DPP10: variants seen among roughly 807,000 people sequenced by gnomAD.
The protein encoded by DPP10 is dipeptidyl peptidase like 10, also known as inactive dipeptidyl peptidase 10.
Under a neutral mutation model 120.9 loss-of-function variants are expected in DPP10, and 33 were observed. That is an observed-to-expected ratio of 0.27 (90% CI 0.21 to 0.37). The LOEUF (loss-of-function observed/expected upper bound fraction) is 0.37, where lower values mean the gene tolerates loss of function less well. Ranked by LOEUF, DPP10 falls within the 10% of genes least tolerant of loss-of-function variation. The pLI is 1.00. For synonymous variants in DPP10, 337 were observed against 326.1 expected, an observed-to-expected ratio of 1.03 and a Z score of -0.36; for missense variants, 816 against 942.8, an observed-to-expected ratio of 0.87 and a Z score of 1.76.
In DPP10 at chr2:115,086,076, A is replaced by G. The variant is rs61386857; in HGVS notation, c.61-223163A>G. On this transcript the variant is annotated intron_variant, in intron 1 of 25. Coordinates refer to ENST00000410059, the MANE Select transcript of DPP10 (RefSeq NM_020868.6). ...TTCTGCCATGTCTTGGAATGGCCCT[A>G]CAAAGCCATCCTTTGTTGGGAAAGA... Among the ~76,000 whole-genome samples the G allele has an allele frequency of 3.3e-5, 5 of 152,326 alleles. No individual in the cohort carries two copies. In the East Asian group the frequency reaches 9.7e-4, roughly 29 times the overall value.
chr2:115,301,778 C>G (rs906127622), intron 1 of DPP10, among the ~76,000 whole-genome samples: 1 of 151,794 alleles, frequency 6.6e-6, no homozygotes, highest in Admixed American at 6.6e-5. Context: ...AGTTTTTAAC[C>G]CTAAATGTGT....
chr2:115,782,205 A>G, intron 16 of DPP10, 147 bp from the exon 17 acceptor site: 1 of 612,664 alleles, frequency 1.6e-6, no homozygotes, highest in Non-Finnish European at 2.9e-6. Flanking sequence ...ATAAATAGGA[A>G]TGAAAGCTAG....
At chr2:115,219,555 T>C (rs2057027053) in intron 1 of DPP10, among the ~76,000 whole-genome samples, 2 of 152,146 alleles carry the variant, frequency 1.3e-5, no homozygotes, top group African/African-American at 4.8e-5. Flanking sequence ...ACAGAAATTA[T>C]AACAATAAAA....
rs939391212 is a variant in DPP10, at chr2:115,330,370, C to T, written c.176-13447C>T. ...GATGAGTAGATTGCAAAAATTTTCTCCCATTCTGTAGGTTGCCTGTTCACT... is the reference window on the plus strand; with the variant it reads ...GATGAGTAGATTGCAAAAATTTTCTTCCATTCTGTAGGTTGCCTGTTCACT... On this transcript the variant is annotated intron_variant, in intron 2 of 25. Transcript: ENST00000410059. Among the ~76,000 whole-genome samples the T allele has an allele frequency of 2.0e-5, 3 of 151,148 alleles. No individual in the cohort carries two copies. The East Asian group carries it at 5.8e-4, about 29-fold the overall frequency.
At chr2:115,103,018 T>G (rs767254864) in intron 1 of DPP10, among the ~76,000 whole-genome samples, 1 of 152,168 alleles carries the variant, frequency 6.6e-6, no homozygotes, top group Non-Finnish European at 1.5e-5. Flanking sequence ...AATATTTCTT[T>G]TATTTGAGCT....
At chr2:114,512,019 C>T (rs1684188978) in intron 1 of DPP10, among the ~76,000 whole-genome samples, 1 of 152,150 alleles carries the variant, frequency 6.6e-6, no homozygotes, top group African/African-American at 2.4e-5. Context: ...TCTGCAGATG[C>T]CTGTGGAGAT....
At chr2:114,896,679 A>T (rs1693031881) in intron 1 of DPP10, among the ~76,000 whole-genome samples, 1 of 152,226 alleles carries the variant, frequency 6.6e-6, no homozygotes, top group African/African-American at 2.4e-5. Context: ...TGTCATCTGC[A>T]AACAGGGACA....
At chr2:115,359,226 T>C (rs1188425308) in intron 3 of DPP10, among the ~76,000 whole-genome samples, 2 of 152,092 alleles carry the variant, frequency 1.3e-5, no homozygotes, top group African/African-American at 4.8e-5. Flanking sequence ...CTTTATAGAG[T>C]CTGTGAACTA....
intron 9 of DPP10, 117 bp downstream of exon 9, chr2:115,740,010 A>G: frequency 9.1e-7 from 1 of 1,097,600 alleles, no homozygotes; most frequent in Non-Finnish European, 1.3e-6. Flanking sequence ...AGTTTTCCTT[A>G]CTTGTCAGAC....
At chr2:115,321,822 A>G (rs897946565) in intron 2 of DPP10, among the ~76,000 whole-genome samples, 4 of 151,694 alleles carry the variant, frequency 2.6e-5, no homozygotes, top group African/African-American at 7.3e-5. Flanking sequence ...TTATTCTTCT[A>G]CTGAGTTTGT....
intron 1 of DPP10, among the ~76,000 whole-genome samples, chr2:115,259,235 A>G (rs2059140798): frequency 2.0e-5 from 3 of 152,196 alleles, no homozygotes; most frequent in South Asian, 2.1e-4. Context: ...TAATCCCAGC[A>G]CTTTGGGAGG....
At chr2:114,494,112 A>AAACAAC (rs1553450318) in intron 1 of DPP10, among the ~76,000 whole-genome samples, 2 of 146,952 alleles carry the variant, frequency 1.4e-5, no homozygotes, top group African/African-American at 4.9e-5. Context: ...AAAAAAAAAA[A>AAACAAC]AAAAAAAAAC....
In DPP10 at chr2:114,461,481, A is replaced by G. The variant is rs17048384; in HGVS notation, c.60+18643A>G. On this transcript the variant is annotated intron_variant, in intron 1 of 25. Coordinates refer to ENST00000410059, the MANE Select transcript of DPP10 (RefSeq NM_020868.6). ...CAAGGTTGCCTTTACTTAGGATTTG[A>G]TTACCTGTCTCCCTCAACCAATTAG... is the stretch of plus-strand genomic sequence containing the variant. 2.9e-3 allele frequency: 2,037 copies of G among 712,720 alleles called. 29 individuals carry two copies. In the African/African-American group the frequency reaches 0.037, roughly 13 times the overall value. 44.1% of individuals were successfully genotyped at this position (712,720 alleles called of 1,614,324 possible).
intron 1 of DPP10, among the ~76,000 whole-genome samples, chr2:115,134,384 G>T (rs1294498111): frequency 2.0e-5 from 3 of 152,216 alleles, no homozygotes; most frequent in African/African-American, 7.2e-5. Flanking sequence ...TATGCATGAA[G>T]TGGCTGACTG....
intron 1 of DPP10, among the ~76,000 whole-genome samples, chr2:115,110,938 G>A (rs917464801): frequency 8.6e-5 from 13 of 152,012 alleles, no homozygotes; most frequent in Non-Finnish European, 1.5e-4. Context: ...CATTTAATAT[G>A]TAGCTAAAAT....
chr2:115,799,173 G>A (rs1467379732), intron 19 of DPP10, among the ~76,000 whole-genome samples: 1 of 151,946 alleles, frequency 6.6e-6, no homozygotes, highest in East Asian at 1.9e-4. Context: ...CCTTGGGAAA[G>A]GCTGTGTCTG....
chr2:115,611,252 G>A (rs962997916), intron 5 of DPP10, among the ~76,000 whole-genome samples: 9 of 152,110 alleles, frequency 5.9e-5, no homozygotes, highest in Admixed American at 2.6e-4. Context: ...GAAGAAGAGC[G>A]TATTTTCCTC....
intron 2 of DPP10, among the ~76,000 whole-genome samples, chr2:115,331,243 G>C (rs934652201): frequency 3.3e-5 from 5 of 152,108 alleles, no homozygotes; most frequent in African/African-American, 9.7e-5. Flanking sequence ...TTGTGTATAA[G>C]AATGCTTGTG....
At chr2:114,507,074 G>T (rs1683733275) in intron 1 of DPP10, among the ~76,000 whole-genome samples, 1 of 147,692 alleles carries the variant, frequency 6.8e-6, no homozygotes, top group South Asian at 2.2e-4. Flanking sequence ...TTGAGACAGG[G>T]TCTCACTCTG....
Sources: gnomAD v4.1 joint callset for allele counts (sites outside exome capture counted in the v4.1 genomes callset) on GRCh38, gnomAD v4.1.1 for gene constraint, MANE v1.5 for transcripts, NCBI Gene and HGNC (gene_info 2026-07-23, HGNC 2026-07-21) for gene names.